The following B3GAT1 variants were observed in gnomAD, a reference collection of about 807,000 sequenced individuals.
B3GAT1 encodes beta-1,3-glucuronyltransferase 1, also known as galactosylgalactosylxylosylprotein 3-beta-glucuronosyltransferase 1.
In B3GAT1, 11 loss-of-function variants were observed where a neutral mutation model predicts 28.4. That is an observed-to-expected ratio of 0.39 (90% CI 0.24 to 0.64). The LOEUF (loss-of-function observed/expected upper bound fraction) is 0.64, where lower values mean the gene tolerates loss of function less well. B3GAT1 is among the 30% of genes least tolerant of loss of function. The probability of loss-of-function intolerance (pLI) is 0.50; values close to 1 mark genes in which losing one functional copy is unlikely to be tolerated. For synonymous variants in B3GAT1, 255 were observed against 223.1 expected, an observed-to-expected ratio of 1.14 and a Z score of -1.27; for missense variants, 375 against 491.0, an observed-to-expected ratio of 0.76 and a Z score of 2.23.
intron 1 of B3GAT1, among the ~76,000 whole-genome samples, chr11:134,395,546 C>A (rs1944488689): frequency 6.6e-6 from 1 of 152,098 alleles, no homozygotes; most frequent in Non-Finnish European, 1.5e-5. Flanking sequence ...TACTGAGGGT[C>A]ATGCTATCTT....
chr11:134,407,894 T>C (rs751982289), intron 1 of B3GAT1, among the ~76,000 whole-genome samples: 25 of 152,094 alleles, frequency 1.6e-4, no homozygotes, highest in Non-Finnish European at 3.5e-4. Context: ...TGAACTGAAT[T>C]TTGGGGGCTC....
chr11:134,406,767 G>A (rs1387245078), intron 1 of B3GAT1, among the ~76,000 whole-genome samples: 1 of 152,178 alleles, frequency 6.6e-6, no homozygotes, highest in African/African-American at 2.4e-5. Context: ...GAGGCACAGA[G>A]AGGTTAAGCA....
intron 1 of B3GAT1, among the ~76,000 whole-genome samples, chr11:134,405,304 AG>A (rs1183827384): frequency 6.6e-6 from 1 of 152,168 alleles, no homozygotes; most frequent in African/African-American, 2.4e-5. Flanking sequence ...GGGGACCCAG[AG>A]GGCTTCAGGT....
intron 1 of B3GAT1, among the ~76,000 whole-genome samples, chr11:134,399,473 C>T (rs533826844): frequency 6.6e-5 from 10 of 152,346 alleles, no homozygotes; most frequent in South Asian, 4.2e-4. Flanking sequence ...GGGCCAGGCC[C>T]GTAGGGCCCC....
rs2136302049 is a variant in B3GAT1 at position 134,382,910 on chromosome 11, C to T, written c.718G>A (p.Gly240Ser). The change falls in exon 4 of 6, where the codon GGC becomes AGC. Residue 240 changes from glycine (G) to serine (S), a missense_variant. Gly to Ser is a moderately conservative substitution (Grantham distance 56). Transcript: ENST00000312527. ...PRVNGAGKVV[G>S]WKTVFDPHRP... Reference sequence around the variant, plus strand: ...TGGGGGTCAAACACCGTCTTCCAGCCGACCACCTTCCCTGCCCCGTTCACC... The same window carrying T: ...TGGGGGTCAAACACCGTCTTCCAGCTGACCACCTTCCCTGCCCCGTTCACC... The T allele has an allele frequency of 6.2e-7, 1 of 1,613,328 alleles. No individual in the cohort carries two copies. Among genetic ancestry groups the T allele is most frequent in the Non-Finnish European group, 8.5e-7 (1 of 1,179,670 alleles).
At position 134,379,343 on chromosome 11, in the gene B3GAT1, C is replaced by T. The variant is rs905399958; in HGVS notation, c.*1419G>A. 2.0e-5 allele frequency: 3 copies of T among 150,056 alleles called. No homozygotes were observed. Among genetic ancestry groups the T allele is most frequent in the Non-Finnish European group, 4.4e-5 (3 of 67,572 alleles). The allele number at this position is 150,056 out of a possible 1,614,324, so 9.3% of individuals were successfully genotyped here. A position where few individuals can be genotyped will look rare whatever the true frequency, so the allele number is the denominator to read the frequency against. On this transcript the variant is annotated 3_prime_UTR_variant, in exon 6 of 6. Transcript: ENST00000312527. ...TAAACACCTCTTCAGTAGGCTGGGG[C>T]CCTTTCCTTTTCCTCCACTTGGGGG...
intron 3 of B3GAT1, among the ~76,000 whole-genome samples, 183 bp from the exon 4 acceptor site, chr11:134,383,189 G>T (rs565938282): frequency 5.9e-5 from 9 of 152,298 alleles, no homozygotes; most frequent in African/African-American, 2.2e-4. Context: ...CACCTGAGAA[G>T]AACCTGCCCT....
chr11:134,402,525 CCT>C (rs1258031979), intron 1 of B3GAT1, among the ~76,000 whole-genome samples: 1 of 152,120 alleles, frequency 6.6e-6, no homozygotes, highest in Admixed American at 6.5e-5. Context: ...GGCTCCCCCA[CCT>C]CCCTCTGTTA....
intron 1 of B3GAT1, chr11:134,390,964 C>A (rs1944399340): frequency 6.6e-6 from 1 of 152,234 alleles, no homozygotes. Context: ...GGCCCTAGCA[C>A]CTGCTTGGAG....
intron 1 of B3GAT1, among the ~76,000 whole-genome samples, chr11:134,406,333 T>C (rs778063332): frequency 6.6e-6 from 1 of 152,216 alleles, no homozygotes; most frequent in Non-Finnish European, 1.5e-5. Flanking sequence ...TGCTTTTTAG[T>C]GACAAAACAG....
chr11:134,408,355 T>C (rs111807748), intron 1 of B3GAT1, among the ~76,000 whole-genome samples: 60 of 71,878 alleles, frequency 8.3e-4, no homozygotes, highest in African/African-American at 3.4e-3. Context: ...CCTGCACCGA[T>C]TCCAGTGGGG....
At chr11:134,383,501 G>A (rs958527143) in intron 3 of B3GAT1, among the ~76,000 whole-genome samples, 179 bp downstream of exon 3, 1 of 152,200 alleles carries the variant, frequency 6.6e-6, no homozygotes, top group African/African-American at 2.4e-5. Flanking sequence ...CTAACTTGTG[G>A]GGGATGCTTT....
Position 134,387,928 on chromosome 11 carries a change from G to C in B3GAT1, c.-269C>G. Reference sequence around the variant, plus strand: ...TCCAGGGGCAGGGGTCAGGAACCCTGGGGGGTGGACACCTGCAAGAGAGAG... The same window carrying C: ...TCCAGGGGCAGGGGTCAGGAACCCTCGGGGGTGGACACCTGCAAGAGAGAG... On this transcript the variant is annotated 5_prime_UTR_variant, in exon 2 of 6. Coordinates refer to ENST00000312527, the MANE Select transcript of B3GAT1 (RefSeq NM_054025.3). The C allele has an allele frequency of 2.1e-6, 3 of 1,399,104 alleles. No homozygotes were observed. The highest frequency in any genetic ancestry group is 1.9e-6 in the Non-Finnish European group (2 of 1,040,062). 86.7% of individuals were successfully genotyped at this position (1,399,104 alleles called of 1,614,324 possible).
chr11:134,411,216 G>A lies in B3GAT1; in HGVS notation c.-282+591C>T, dbSNP rs138044294. ...GGAGGGATTGGGACCTCAGACCTGA[G>A]CCCAGGTGCAGATGGGAGGGTGGTG... On this transcript the variant is annotated intron_variant, in intron 1 of 5. Coordinates refer to ENST00000312527, the MANE Select transcript of B3GAT1 (RefSeq NM_054025.3). This position sits in a 1 kb window ranked among gnomAD's most constrained non-coding sequence, Gnocchi z 6.0. Among the ~76,000 whole-genome samples the A allele has an allele frequency of 1.3e-5, 2 of 152,290 alleles. No homozygotes were observed. Among genetic ancestry groups the A allele is most frequent in the Non-Finnish European group, 2.9e-5 (2 of 68,022 alleles).
chr11:134,384,213 G>A, intron 2 of B3GAT1, 25 bp from the exon 3 acceptor site: 8 of 1,519,790 alleles, frequency 5.3e-6, no homozygotes, highest in East Asian at 4.6e-5. Context: ...GACCGGCGAT[G>A]TGGGAGGAGA....
At chr11:134,400,530 T>C (rs181022730) in intron 1 of B3GAT1, among the ~76,000 whole-genome samples, 54 of 152,344 alleles carry the variant, frequency 3.5e-4, no homozygotes, top group African/African-American at 1.3e-3. Context: ...CTCCACCTTG[T>C]TTTAAGATTC....
rs191112750 is a variant in B3GAT1 at position 134,384,564 on chromosome 11, C to T, written c.113-376G>A. ...ACTCATCTGGAGGGAGCTGGCCACA[C>T]TGCCCTGTGCAGGGCTGGGCTAGCA... is the stretch of plus-strand genomic sequence containing the variant. On this transcript the variant is annotated intron_variant, in intron 2 of 5. Transcript: ENST00000312527. The T allele has an allele frequency of 1.5e-3, 359 of 247,176 alleles. 2 individuals are homozygous for T. Among genetic ancestry groups the T allele is most frequent in the African/African-American group, 7.5e-3 (335 of 44,764 alleles). The allele number at this position is 247,176 out of a possible 1,614,324, so 15.3% of individuals were successfully genotyped here. A position where few individuals can be genotyped will look rare whatever the true frequency, so the allele number is the denominator to read the frequency against.
At chr11:134,403,261 G>A (rs548905741) in intron 1 of B3GAT1, among the ~76,000 whole-genome samples, 4 of 152,268 alleles carry the variant, frequency 2.6e-5, no homozygotes, top group African/African-American at 7.2e-5. Context: ...GTACCCGGCC[G>A]ATTTCTTTCT....
rs1565462920 is a variant in B3GAT1 at position 134,411,984 on chromosome 11, C to CGCCCCGCCCGCCCGCA, written c.-460_-459insTGCGGGCGGGCGGGGC. On this transcript the variant is annotated 5_prime_UTR_variant, in exon 1 of 6. Coordinates refer to ENST00000312527, the MANE Select transcript of B3GAT1 (RefSeq NM_054025.3). This position sits in a 1 kb window ranked among gnomAD's most constrained non-coding sequence, Gnocchi z 6.0. ...TAGCCGCGGGGTCCGCGCGCCCGCC[C>CGCCCCGCCCGCCCGCA]GCCCCGCCCGGCCCCGCCGCCCCGG... The CGCCCCGCCCGCCCGCA allele has an allele frequency of 1.4e-5, 2 of 147,528 alleles. No homozygotes were observed. Among genetic ancestry groups the CGCCCCGCCCGCCCGCA allele is most frequent in the South Asian group, 2.0e-4 (1 of 5,046 alleles). The allele number at this position is 147,528 out of a possible 1,614,324, so 9.1% of individuals were successfully genotyped here. A position where few individuals can be genotyped will look rare whatever the true frequency, so the allele number is the denominator to read the frequency against.
Sources: gnomAD v4.1 joint callset for allele counts (sites outside exome capture counted in the v4.1 genomes callset) on GRCh38, gnomAD v4.1.1 for gene constraint, Gnocchi (gnomAD v3.1) non-coding constraint, MANE v1.5 for transcripts, NCBI Gene and HGNC (gene_info 2026-07-23, HGNC 2026-07-21) for gene names.